Variants in SLC67A2 observed in about 807,000 individuals in gnomAD.
SLC67A2 encodes solute carrier family 67 member A2.
chr2:102,717,416 C>T, the SLC67A2 span: 5 of 152,246 alleles, frequency 3.3e-5, no homozygotes, highest in Admixed American at 3.3e-4. Flanking sequence ...ATAAACTGTT[C>T]ATTTTTAAAG....
At chr2:102,719,154 C>T in the SLC67A2 span, 6 of 1,614,016 alleles carry the variant, frequency 3.7e-6, no homozygotes, top group African/African-American at 6.7e-5. Context: ...AATGGCAGGC[C>T]CTTCTCTGTA....
the SLC67A2 span, chr2:102,718,806 T>A: frequency 6.2e-7 from 1 of 1,613,802 alleles, no homozygotes; most frequent in South Asian, 1.1e-5. Context: ...GAGTTGTGCT[T>A]GTACAGCCGT....
the SLC67A2 span, among the ~76,000 whole-genome samples, chr2:102,728,198 A>C: frequency 1.3e-5 from 2 of 152,310 alleles, no homozygotes; most frequent in African/African-American, 4.8e-5. Flanking sequence ...AGCACTGTGT[A>C]AAAGGGTTAA....
At chr2:102,732,080 A>T in the SLC67A2 span, 1 of 622,198 alleles carries the variant, frequency 1.6e-6, no homozygotes, top group South Asian at 1.5e-5. Flanking sequence ...TGTTGCCACT[A>T]GTGGCATGGG....
chr2:102,734,228 G>C, the SLC67A2 span, among the ~76,000 whole-genome samples: 2 of 152,144 alleles, frequency 1.3e-5, no homozygotes. Context: ...AGTAATTATT[G>C]ATTACTGGAC....
At chr2:102,730,704 G>T in the SLC67A2 span, among the ~76,000 whole-genome samples, 1 of 151,988 alleles carries the variant, frequency 6.6e-6, no homozygotes, top group East Asian at 1.9e-4. Context: ...CACCATGCCT[G>T]GCTAATTTTT....
chr2:102,715,272 C>G, the SLC67A2 span, among the ~76,000 whole-genome samples: 1 of 152,236 alleles, frequency 6.6e-6, no homozygotes, highest in Non-Finnish European at 1.5e-5. Flanking sequence ...TCAATACAAT[C>G]TCAACCCGAG....
the SLC67A2 span, chr2:102,717,050 T>A: frequency 6.6e-6 from 1 of 152,196 alleles, no homozygotes; most frequent in Non-Finnish European, 1.5e-5. Flanking sequence ...CTTTTTTTTT[T>A]GAGACGGAGT....
At chr2:102,735,599 C>G in the SLC67A2 span, among the ~76,000 whole-genome samples, 1 of 152,188 alleles carries the variant, frequency 6.6e-6, no homozygotes, top group Admixed American at 6.5e-5. Context: ...TGAATCAGGC[C>G]TAGCCTTGGA....
chr2:102,716,718 G>A, the SLC67A2 span: 1 of 152,160 alleles, frequency 6.6e-6, no homozygotes, highest in African/African-American at 2.4e-5. Flanking sequence ...ATATTTACAA[G>A]TATGCATGTG....
At chr2:102,730,916 A>G in the SLC67A2 span, 3 of 873,210 alleles carry the variant, frequency 3.4e-6, no homozygotes, top group East Asian at 5.0e-5. Context: ...TAGGAAGAAC[A>G]TATTACAATT....
the SLC67A2 span, among the ~76,000 whole-genome samples, chr2:102,722,798 G>T: frequency 6.6e-6 from 1 of 152,080 alleles, no homozygotes; most frequent in Non-Finnish European, 1.5e-5. Context: ...CTTCTGCACA[G>T]CAATGGAAAC....
the SLC67A2 span, among the ~76,000 whole-genome samples, chr2:102,715,114 G>C: frequency 6.6e-6 from 1 of 152,056 alleles, no homozygotes; most frequent in Non-Finnish European, 1.5e-5. Flanking sequence ...CTCCCTCAGG[G>C]CCCCCCTAAA....
chr2:102,729,874 C>T, the SLC67A2 span, among the ~76,000 whole-genome samples: 1 of 152,094 alleles, frequency 6.6e-6, no homozygotes, highest in Non-Finnish European at 1.5e-5. Context: ...TAGCTGTTTA[C>T]TTATTTAAGA....
the SLC67A2 span, chr2:102,736,857 C>T: frequency 2.6e-6 from 4 of 1,548,214 alleles, no homozygotes; most frequent in Admixed American, 1.9e-5. Flanking sequence ...GCGGACCTAC[C>T]CCGGGAGCCC....
the SLC67A2 span, among the ~76,000 whole-genome samples, chr2:102,727,972 C>T: frequency 6.6e-6 from 1 of 152,062 alleles, no homozygotes; most frequent in Non-Finnish European, 1.5e-5. Context: ...GCATTTCTGT[C>T]CCCTTAGAAT....
the SLC67A2 span, chr2:102,732,471 A>T: frequency 7.8e-7 from 1 of 1,283,470 alleles, no homozygotes; most frequent in Non-Finnish European, 1.1e-6. Context: ...AAACCTAAAA[A>T]TTTAAACTAA....
the SLC67A2 span, among the ~76,000 whole-genome samples, chr2:102,735,590 G>T: frequency 2.0e-5 from 3 of 152,208 alleles, no homozygotes; most frequent in African/African-American, 7.2e-5. Context: ...ACTCAGGGCT[G>T]AATCAGGCCT....
chr2:102,718,703 G>A, the SLC67A2 span: 1 of 1,613,866 alleles, frequency 6.2e-7, no homozygotes, highest in African/African-American at 1.3e-5. Context: ...CAGGAGAGTG[G>A]AGGAGAGGAC....
Sources: allele counts gnomAD v4.1 joint callset (sites outside exome capture counted in the v4.1 genomes callset), GRCh38; gene constraint gnomAD v4.1.1; transcripts MANE v1.5; gene names NCBI Gene and HGNC (gene_info 2026-07-23, HGNC 2026-07-21).